Variants in MDM2 observed in about 807,000 individuals in gnomAD.
MDM2 encodes E3 ubiquitin-protein ligase Mdm2.
In MDM2, 11 loss-of-function variants were observed where a neutral mutation model predicts 64.3. That is an observed-to-expected ratio of 0.17 (90% CI 0.11 to 0.28). The LOEUF (loss-of-function observed/expected upper bound fraction) is 0.28. MDM2 is among the 10% of genes least tolerant of loss of function. The pLI, the probability that MDM2 is intolerant of heterozygous loss-of-function variation, is 1.00. For missense variants in MDM2, 388 were observed against 577.1 expected (o/e 0.67, Z 3.36); for synonymous variants, 194 against 192.9 (o/e 1.01, Z -0.05).
rs1883759490 is a variant in MDM2, at chr12:68,841,429, T to G, written c.*1580T>G. ...AAAATGTACTTATTCTCCAGCCTCT[T>G]TTGTATAAACCATAGTAAGGGATGG... On this transcript the variant is annotated 3_prime_UTR_variant, in exon 11 of 11. Transcript: ENST00000258149. The G allele has an allele frequency of 4.9e-6, 1 of 206,140 alleles. No individual in the cohort carries two copies. Among genetic ancestry groups the G allele is most frequent in the Non-Finnish European group, 9.9e-6 (1 of 100,818 alleles). The allele number at this position is 206,140 out of a possible 1,614,324, so 12.8% of individuals were successfully genotyped here.
At chr12:68,820,433 G>T in intron 5 of MDM2, 59 bp downstream of exon 5, 2 of 1,252,218 alleles carry the variant, frequency 1.6e-6, no homozygotes, top group East Asian at 2.4e-5. Flanking sequence ...AGACATTTTT[G>T]TTTATGTGCA....
intron 3 of MDM2, among the ~76,000 whole-genome samples, chr12:68,815,293 A>G (rs543441185): frequency 2.5e-4 from 38 of 152,302 alleles, no homozygotes; most frequent in Middle Eastern, 6.8e-3. Context: ...ACTATGTAAC[A>G]GTAGTGTATG....
In MDM2 at chr12:68,842,951, A is replaced by G. The variant is rs1883917829; in HGVS notation, c.*3102A>G. The G allele has an allele frequency of 4.7e-6, 1 of 210,718 alleles. No individual in the cohort carries two copies. Among genetic ancestry groups the G allele is most frequent in the African/African-American group, 2.3e-5 (1 of 44,064 alleles). The allele number at this position is 210,718 out of a possible 1,614,324, so 13.1% of individuals were successfully genotyped here. ...GAGAGCCGAATAAGGTTTGCCTGAA[A>G]TAACTGACACTATATAATTTCTGCT... On this transcript the variant is annotated 3_prime_UTR_variant, in exon 11 of 11. Coordinates refer to ENST00000258149, the MANE Select transcript of MDM2 (RefSeq NM_002392.6).
At chr12:68,816,621 T>G (rs1431373562) in intron 3 of MDM2, among the ~76,000 whole-genome samples, 191 bp from the exon 4 acceptor site, 1 of 152,146 alleles carries the variant, frequency 6.6e-6, no homozygotes, top group African/African-American at 2.4e-5. Context: ...CCTCCCGAAG[T>G]ACTGGGATTA....
chr12:68,813,215 A>G (rs1168690817), intron 2 of MDM2, among the ~76,000 whole-genome samples: 1 of 152,188 alleles, frequency 6.6e-6, no homozygotes, highest in African/African-American at 2.4e-5. Context: ...CACTCTAAAG[A>G]TTTATTCATT....
At position 68,822,371 on chromosome 12, in the gene MDM2, C is replaced by CTTTTTT. The variant is rs142480058; in HGVS notation, c.359-1986_359-1981dup. ...TTTGGCATTTTATTGTTTTAAAGCT[C>CTTTTTT]TTTTTTTTTTTGAGCTTTAGATTGT... On this transcript the variant is annotated intron_variant, in intron 5 of 10. Coordinates refer to ENST00000258149, the MANE Select transcript of MDM2 (RefSeq NM_002392.6). Among the ~76,000 whole-genome samples the CTTTTTT allele has an allele frequency of 2.3e-3, 335 of 146,084 alleles. 2 individuals are homozygous for CTTTTTT. The highest frequency in any genetic ancestry group is 8.1e-3 in the African/African-American group (319 of 39,354).
rs1883737065 is a variant in MDM2 at position 68,841,139 on chromosome 12, C to T, written c.*1290C>T. The stretch of plus-strand genomic sequence containing the variant: ...GGGATTACAGATGTGAGGCACCTGG[C>T]CTCAGATTTTTGATACTCTTAAACC... On this transcript the variant is annotated 3_prime_UTR_variant, in exon 11 of 11. Transcript: ENST00000258149. The T allele has an allele frequency of 3.1e-5, 6 of 191,722 alleles. No individual in the cohort carries two copies. The East Asian group carries it at 5.0e-4, about 16-fold the overall frequency. 11.9% of individuals were successfully genotyped at this position (191,722 alleles called of 1,614,324 possible). A position where few individuals can be genotyped will look rare whatever the true frequency, so the allele number is the denominator to read the frequency against.
Position 68,840,238 on chromosome 12 carries a change from G to A in MDM2, c.*389G>A, listed in dbSNP as rs1252793178. ...TGGCTCACTGCAAGCTCTGCCTCCC[G>A]GGTTCGCACCATTCTCCTGCCTCAG... On this transcript the variant is annotated 3_prime_UTR_variant, in exon 11 of 11. Transcript: ENST00000258149. 4 of 193,040 alleles carry A rather than the reference G, an allele frequency of 2.1e-5. No individual in the cohort carries two copies. Among genetic ancestry groups the A allele is most frequent in the African/African-American group, 9.4e-5 (4 of 42,362 alleles). The allele number at this position is 193,040 out of a possible 1,614,324, so 12.0% of individuals were successfully genotyped here. A position where few individuals can be genotyped will look rare whatever the true frequency, so the allele number is the denominator to read the frequency against.
intron 5 of MDM2, among the ~76,000 whole-genome samples, chr12:68,821,220 G>A (rs1881820476): frequency 6.6e-6 from 1 of 151,770 alleles, no homozygotes; most frequent in African/African-American, 2.4e-5. Flanking sequence ...GCTAATTTTT[G>A]TATTTTTAGT....
chr12:68,828,754 T>C lies in MDM2; in HGVS notation c.524-17T>C, dbSNP rs1882547867. ...AATCACAGTACAGCAATTTATTTTT[T>C]TTCCTTACATATCCAGAAGAAAATT... On this transcript the variant is annotated splice_polypyrimidine_tract_variant and intron_variant, in intron 7 of 10. Coordinates refer to ENST00000258149, the MANE Select transcript of MDM2 (RefSeq NM_002392.6). 2 of 1,612,320 alleles carry C rather than the reference T, an allele frequency of 1.2e-6. No homozygotes were observed. Among genetic ancestry groups the C allele is most frequent in the Non-Finnish European group, 8.5e-7 (1 of 1,179,196 alleles).
intron 3 of MDM2, among the ~76,000 whole-genome samples, chr12:68,816,361 G>GTTT (rs1269976488): frequency 9.4e-6 from 1 of 105,988 alleles, no homozygotes; most frequent in African/African-American, 3.7e-5. Context: ...CTTAAAAGTA[G>GTTT]CTTTTTTTTT....
chr12:68,821,416 G>A (rs1592579865), intron 5 of MDM2, among the ~76,000 whole-genome samples: 3 of 152,046 alleles, frequency 2.0e-5, no homozygotes, highest in African/African-American at 7.3e-5. Context: ...GCCCATCCTC[G>A]AACTACAGTT....
chr12:68,845,755 A>T (rs1884243216), downstream of MDM2: 1 of 158,826 alleles, frequency 6.3e-6, no homozygotes, highest in Non-Finnish European at 1.4e-5. Context: ...CTAATTCCAA[A>T]ATTTCACCTT....
chr12:68,828,588 TAAAC>T (rs942871852), intron 7 of MDM2, 179 bp from the exon 8 acceptor site: 47 of 529,970 alleles, frequency 8.9e-5, no homozygotes, highest in Middle Eastern at 1.1e-3. Context: ...AATAAATAAA[TAAAC>T]AAATAAATAA....
intron 1 of MDM2, 112 bp from the exon 2 acceptor site, chr12:68,809,096 G>A (rs997587625): frequency 3.1e-5 from 48 of 1,535,580 alleles, no homozygotes; most frequent in Admixed American, 1.6e-4. Flanking sequence ...GGTAAGCACC[G>A]ACTTGCTTGT....
At chr12:68,849,042 G>A (rs1884517995), downstream of MDM2, 1 of 151,806 alleles carries the variant, frequency 6.6e-6, no homozygotes, top group South Asian at 2.1e-4. Flanking sequence ...CACAAGGTGG[G>A]AGGTGGAAGT....
At chr12:68,824,732 A>G in intron 7 of MDM2, 81 bp downstream of exon 7, 1 of 900,284 alleles carries the variant, frequency 1.1e-6, no homozygotes, top group Non-Finnish European at 1.7e-6. Context: ...TTTAGACTTA[A>G]TTAAATTGTT....
At chr12:68,812,768 A>G (rs1309341278) in intron 2 of MDM2, among the ~76,000 whole-genome samples, 2 of 152,158 alleles carry the variant, frequency 1.3e-5, no homozygotes, top group Non-Finnish European at 2.9e-5. Flanking sequence ...TCTTTCTGTA[A>G]GGAAAATTTT....
chr12:68,811,508 T>C (rs1256463584), intron 2 of MDM2, among the ~76,000 whole-genome samples: 2 of 152,134 alleles, frequency 1.3e-5, no homozygotes, highest in African/African-American at 4.8e-5. Context: ...TGTTCTTCAA[T>C]GTAAGATTAC....
Sources: allele counts gnomAD v4.1 joint callset (sites outside exome capture counted in the v4.1 genomes callset), GRCh38; gene constraint gnomAD v4.1.1; transcripts MANE v1.5; gene names NCBI Gene and HGNC (gene_info 2026-07-23, HGNC 2026-07-21).